The following DCC variants were observed in gnomAD, a reference collection of about 807,000 sequenced individuals.
The protein encoded by DCC is DCC netrin 1 receptor.
DCC carries 58 observed loss-of-function variants against 172.5 expected under a neutral mutation model. The observed-to-expected ratio is 0.34, with a 90% confidence interval of 0.27 to 0.42. The LOEUF (loss-of-function observed/expected upper bound fraction) is 0.42. DCC is among the 10% of genes least tolerant of loss of function. DCC has a pLI of 1.00. For missense variants in DCC, 1,740 were observed against 1,791.0 expected (o/e 0.97, Z 0.51); for synonymous variants, 709 against 644.5 (o/e 1.10, Z -1.52).
At chr18:52,859,309 C>T (rs2039099383) in intron 2 of DCC, among the ~76,000 whole-genome samples, 1 of 152,078 alleles carries the variant, frequency 6.6e-6, no homozygotes, top group Admixed American at 6.6e-5. Context: ...ACTTTCTCTT[C>T]ACCTTCTGAA....
chr18:53,107,185 C>T (rs2043261071), intron 7 of DCC, among the ~76,000 whole-genome samples: 1 of 151,746 alleles, frequency 6.6e-6, no homozygotes, highest in Non-Finnish European at 1.5e-5. Flanking sequence ...ACTCTGGCTC[C>T]AACGCCTCTG....
chr18:52,756,399 C>T (rs1480141918), intron 2 of DCC, among the ~76,000 whole-genome samples: 1 of 152,138 alleles, frequency 6.6e-6, no homozygotes, highest in Non-Finnish European at 1.5e-5. Context: ...TGTTGCCATC[C>T]TCCTCTCTAC....
intron 5 of DCC, among the ~76,000 whole-genome samples, chr18:52,998,918 A>T (rs1408178200): frequency 6.6e-6 from 1 of 152,086 alleles, no homozygotes; most frequent in Non-Finnish European, 1.5e-5. Context: ...GCCTTAATAA[A>T]CAAAGTATAA....
In DCC at chr18:53,402,811, G is replaced by C. The variant is rs202075939; in HGVS notation, c.2853G>C (p.Leu951Phe). Residue 951 changes from leucine (L) to phenylalanine (F), a missense_variant, in exon 19 of 29, where the codon TTG becomes TTC. By Grantham distance (22) the Leu-to-Phe change is conservative (BLOSUM62 0). Coordinates refer to ENST00000442544, the MANE Select transcript of DCC (RefSeq NM_005215.4). Reference sequence around the variant, plus strand: ...CCCCCACCTCTGCTCCCAAGGACTTGACAGTCATTACTAGGGAAGGGAAGC... The same window carrying C: ...CCCCCACCTCTGCTCCCAAGGACTTCACAGTCATTACTAGGGAAGGGAAGC... ...EAAPTSAPKD[L>F]TVITREGKPR... 6.0e-4 allele frequency: 974 copies of C among 1,613,940 alleles called. 3 individuals are homozygous for C. The highest frequency in any genetic ancestry group is 7.7e-4 in the Non-Finnish European group (904 of 1,179,864).
intron 11 of DCC, among the ~76,000 whole-genome samples, chr18:53,209,570 TAAG>T (rs889208558): frequency 2.0e-5 from 3 of 152,188 alleles, no homozygotes; most frequent in Admixed American, 2.0e-4. Flanking sequence ...TGCATATTAT[TAAG>T]GACAGTACAA....
intron 12 of DCC, among the ~76,000 whole-genome samples, chr18:53,301,223 G>A (rs955655089): frequency 1.3e-5 from 2 of 151,652 alleles, no homozygotes; most frequent in African/African-American, 4.8e-5. Context: ...CCAAGTAGGT[G>A]GGATTACAGG....
chr18:52,385,406 G>A (rs766911610), intron 1 of DCC, among the ~76,000 whole-genome samples: 1 of 151,806 alleles, frequency 6.6e-6, no homozygotes, highest in African/African-American at 2.4e-5. Context: ...CTCCCATGTA[G>A]CTAGGACTAC....
At chr18:53,087,399 T>G (rs2042930958) in intron 7 of DCC, among the ~76,000 whole-genome samples, 1 of 151,876 alleles carries the variant, frequency 6.6e-6, no homozygotes, top group African/African-American at 2.4e-5. Flanking sequence ...ATAAATGTCT[T>G]CTTTTGAGAA....
chr18:52,531,100 A>G (rs934496324), intron 1 of DCC, among the ~76,000 whole-genome samples: 1 of 152,118 alleles, frequency 6.6e-6, no homozygotes, highest in African/African-American at 2.4e-5. Flanking sequence ...TCACACATCT[A>G]CTCTGAAGCA....
chr18:53,520,048 G>A (rs1026734899), intron 27 of DCC, among the ~76,000 whole-genome samples: 3 of 152,078 alleles, frequency 2.0e-5, no homozygotes, highest in Admixed American at 6.6e-5. Flanking sequence ...AAGAATGGGT[G>A]AGGCCAGGGA....
intron 1 of DCC, among the ~76,000 whole-genome samples, chr18:52,598,031 A>G (rs192668448): frequency 6.5e-4 from 99 of 152,346 alleles, no homozygotes; most frequent in Admixed American, 3.9e-4. Flanking sequence ...GTTAGGCAGT[A>G]TAACGTTGGA....
At chr18:52,522,277 A>G (rs2031843167) in intron 1 of DCC, among the ~76,000 whole-genome samples, 3 of 152,280 alleles carry the variant, frequency 2.0e-5, no homozygotes, top group Admixed American at 2.0e-4. Flanking sequence ...AAATTTTTAC[A>G]GGCATTTTGT....
At chr18:53,444,532 G>A (rs1164422223) in intron 22 of DCC, among the ~76,000 whole-genome samples, 1 of 152,234 alleles carries the variant, frequency 6.6e-6, no homozygotes, top group East Asian at 1.9e-4. Flanking sequence ...GATTGCCACA[G>A]CCACCCCACC....
intron 11 of DCC, 93 bp downstream of exon 11, chr18:53,207,910 C>G: frequency 8.0e-7 from 1 of 1,243,642 alleles, no homozygotes; most frequent in Non-Finnish European, 1.2e-6. Flanking sequence ...ATTCCATTTT[C>G]AAGGCTTCCT....
chr18:53,256,696 C>T (rs141995779), intron 12 of DCC, among the ~76,000 whole-genome samples: 3,125 of 152,226 alleles, frequency 0.021, 119 homozygotes, highest in African/African-American at 0.071. Context: ...GCAATGCGGA[C>T]TCTTTTTTGG....
At chr18:52,884,292 C>T (rs116293976) in intron 2 of DCC, among the ~76,000 whole-genome samples, 2,620 of 152,084 alleles carry the variant, frequency 0.017, 56 homozygotes, top group African/African-American at 0.046. Flanking sequence ...CTTTCTGTTC[C>T]TATCTTTTTC....
intron 7 of DCC, among the ~76,000 whole-genome samples, chr18:53,156,283 G>A (rs960376555): frequency 6.6e-6 from 1 of 151,730 alleles, no homozygotes; most frequent in Non-Finnish European, 1.5e-5. Context: ...TCAGGAGTTC[G>A]ACACAGCCTG....
intron 22 of DCC, among the ~76,000 whole-genome samples, chr18:53,449,692 T>C (rs1483781935): frequency 1.3e-5 from 2 of 152,202 alleles, no homozygotes; most frequent in African/African-American, 2.4e-5. Context: ...GTAGCATCTC[T>C]TCTCCTCTCC....
chr18:52,736,722 G>A (rs970858804), intron 1 of DCC, among the ~76,000 whole-genome samples: 1 of 152,018 alleles, frequency 6.6e-6, no homozygotes, highest in African/African-American at 2.4e-5. Context: ...CTTTTTTTAT[G>A]TTCTCATGAT....
Sources: allele counts gnomAD v4.1 joint callset (sites outside exome capture counted in the v4.1 genomes callset), GRCh38; gene constraint gnomAD v4.1.1; transcripts MANE v1.5; gene names NCBI Gene and HGNC (gene_info 2026-07-23, HGNC 2026-07-21).